The following MACROD2 variants were observed in gnomAD, a reference collection of about 807,000 sequenced individuals.
MACROD2 encodes the protein ADP-ribose glycohydrolase MACROD2.
In MACROD2, 36 loss-of-function variants were observed where a neutral mutation model predicts 70.4. The ratio of observed to expected loss-of-function variants is 0.51; its 90% CI spans 0.39 to 0.68. The LOEUF (loss-of-function observed/expected upper bound fraction) is 0.68, where lower values mean the gene tolerates loss of function less well. Among genes scored for constraint, MACROD2 ranks in the 30% least tolerant of loss-of-function variants. The probability of loss-of-function intolerance (pLI) is 0.00; values close to 1 mark genes in which losing one functional copy is unlikely to be tolerated. For synonymous variants in MACROD2, 172 were observed against 178.8 expected (o/e 0.96, Z 0.30); for missense variants, 496 against 538.4 (o/e 0.92, Z 0.78).
intron 3 of MACROD2, among the ~76,000 whole-genome samples, chr20:14,451,453 AAAAC>A (rs1259296621): frequency 1.3e-5 from 2 of 152,086 alleles, no homozygotes; most frequent in Non-Finnish European, 2.9e-5. Context: ...TCTCGACAAA[AAAAC>A]AAAGTGTGTT....
intron 5 of MACROD2, chr20:14,757,829 C>G: frequency 6.5e-7 from 1 of 1,527,478 alleles, no homozygotes. Flanking sequence ...GGAGATTGTG[C>G]CTGCCACTCT....
intron 3 of MACROD2, among the ~76,000 whole-genome samples, chr20:14,227,136 T>C (rs1416368669): frequency 6.6e-6 from 1 of 152,188 alleles, no homozygotes; most frequent in African/African-American, 2.4e-5. Context: ...CTAGCTACTC[T>C]GGTGGGGCCT....
At chr20:14,967,158 A>G (rs1286786169) in intron 5 of MACROD2, among the ~76,000 whole-genome samples, 1 of 152,166 alleles carries the variant, frequency 6.6e-6, no homozygotes, top group African/African-American at 2.4e-5. Context: ...GCTGATTTTA[A>G]AATCAATTTC....
chr20:15,352,438 A>C (rs139813174), intron 6 of MACROD2, among the ~76,000 whole-genome samples: 1,820 of 152,302 alleles, frequency 0.012, 41 homozygotes, highest in African/African-American at 0.04. Flanking sequence ...CACGTATCAA[A>C]ATATCTATAT....
chr20:15,186,318 C>T (rs1435649869), intron 5 of MACROD2, among the ~76,000 whole-genome samples: 1 of 152,174 alleles, frequency 6.6e-6, no homozygotes, highest in African/African-American at 2.4e-5. Context: ...GTTCTGTTCA[C>T]CTGCACACCT....
chr20:15,233,988 T>TATAC (rs2076985182), intron 6 of MACROD2, among the ~76,000 whole-genome samples: 1 of 68,300 alleles, frequency 1.5e-5, no homozygotes. Context: ...TTTATTTATA[T>TATAC]ATATATATAT....
intron 5 of MACROD2, among the ~76,000 whole-genome samples, chr20:15,101,373 C>T (rs769456815): frequency 6.6e-6 from 1 of 151,632 alleles, no homozygotes; most frequent in Non-Finnish European, 1.5e-5. Flanking sequence ...TCTGCAGATC[C>T]TTCTATTTTT....
intron 6 of MACROD2, among the ~76,000 whole-genome samples, chr20:15,344,721 C>G (rs763346311): frequency 2.0e-5 from 3 of 152,162 alleles, no homozygotes; most frequent in Non-Finnish European, 2.9e-5. Context: ...TGCCTTTTCA[C>G]ACTTTCTTGG....
At chr20:14,216,203 C>A (rs2122151955) in intron 3 of MACROD2, among the ~76,000 whole-genome samples, 1 of 152,218 alleles carries the variant, frequency 6.6e-6, no homozygotes, top group South Asian at 2.1e-4. Flanking sequence ...GATGAGGATC[C>A]AGTTTCATTC....
intron 5 of MACROD2, among the ~76,000 whole-genome samples, chr20:15,229,233 A>G (rs175281): frequency 0.28 from 43,094 of 151,994 alleles, 6,236 homozygotes; most frequent in Middle Eastern, 0.32. Flanking sequence ...CAAGTTTTGT[A>G]TTTTTCAACA....
intron 3 of MACROD2, among the ~76,000 whole-genome samples, chr20:14,364,787 G>C (rs981658675): frequency 6.6e-6 from 1 of 152,118 alleles, no homozygotes; most frequent in African/African-American, 2.4e-5. Flanking sequence ...TGTGTCAGTA[G>C]TTCATTCCTC....
At chr20:15,526,984 G>T (rs2047730276) in intron 8 of MACROD2, among the ~76,000 whole-genome samples, 1 of 152,172 alleles carries the variant, frequency 6.6e-6, no homozygotes, top group South Asian at 2.1e-4. Flanking sequence ...AAATGAGAAA[G>T]ATATGACCAT....
intron 3 of MACROD2, among the ~76,000 whole-genome samples, chr20:14,342,064 T>G (rs528796769): frequency 6.6e-6 from 1 of 152,310 alleles, no homozygotes; most frequent in African/African-American, 2.4e-5. Flanking sequence ...TGTTTCTCAT[T>G]TGCTTAAACT....
intron 8 of MACROD2, among the ~76,000 whole-genome samples, chr20:15,501,259 G>T (rs939392650): frequency 6.6e-6 from 1 of 152,232 alleles, no homozygotes. Context: ...GTAGCATGTT[G>T]CATGAGTGAA....
chr20:15,037,408 G>A (rs1261958954), intron 5 of MACROD2, among the ~76,000 whole-genome samples: 2 of 152,174 alleles, frequency 1.3e-5, no homozygotes, highest in Non-Finnish European at 2.9e-5. Context: ...TTAAAAACAA[G>A]TTTTCTCATT....
chr20:15,686,837 C>T lies in MACROD2; in HGVS notation c.646-175908C>T, dbSNP rs373445248. ...GCAGTGAGCCAAGATCACGCCACTGCGCTCCAGCCTGTGTGACAGAGTGAG... is the reference window on the plus strand; with the variant it reads ...GCAGTGAGCCAAGATCACGCCACTGTGCTCCAGCCTGTGTGACAGAGTGAG... On this transcript the variant is annotated intron_variant, in intron 8 of 17. Coordinates refer to ENST00000684519, the MANE Select transcript of MACROD2 (RefSeq NM_001351661.2). Among the ~76,000 whole-genome samples the T allele has an allele frequency of 3.7e-4, 53 of 141,818 alleles. 1 individual carries two copies. In the East Asian group the frequency reaches 5.3e-3, roughly 14 times the overall value. The allele number at this position is 141,818 out of a possible 152,430, so 93.0% of individuals were successfully genotyped here.
At chr20:14,523,476 TTTTA>T (rs956668144) in intron 4 of MACROD2, 4 of 152,212 alleles carry the variant, frequency 2.6e-5, no homozygotes, top group African/African-American at 9.6e-5. Flanking sequence ...CTTTCTTGGA[TTTTA>T]TTTAATCAGT....
chr20:15,014,279 T>A (rs2075104803), intron 5 of MACROD2, among the ~76,000 whole-genome samples: 1 of 152,158 alleles, frequency 6.6e-6, no homozygotes. Flanking sequence ...GCATTTCCCA[T>A]CCCATTTCAA....
intron 2 of MACROD2, among the ~76,000 whole-genome samples, chr20:14,045,235 T>C (rs1183335072): frequency 6.6e-6 from 1 of 152,232 alleles, no homozygotes; most frequent in Non-Finnish European, 1.5e-5. Context: ...GCTCCCACAG[T>C]GCAGCGGTGG....
Sources: allele counts gnomAD v4.1 joint callset (sites outside exome capture counted in the v4.1 genomes callset), GRCh38; gene constraint gnomAD v4.1.1; transcripts MANE v1.5; gene names NCBI Gene and HGNC (gene_info 2026-07-23, HGNC 2026-07-21).